The following CREB1 variants were observed in gnomAD, a reference collection of about 807,000 sequenced individuals.
The protein encoded by CREB1 is cyclic AMP-responsive element-binding protein 1.
In CREB1, 2 loss-of-function variants were observed where a neutral mutation model predicts 42.0. The observed-to-expected ratio is 0.05, with a 90% confidence interval of 0.02 to 0.15. CREB1 has a LOEUF of 0.15. CREB1 is among the 10% of genes least tolerant of loss of function. CREB1 has a pLI of 1.00. For missense variants in CREB1, 199 were observed against 388.9 expected (o/e 0.51, Z 4.11); for synonymous variants, 123 against 139.9 (o/e 0.88, Z 0.85).
chr2:207,590,242 C>A (rs982985350), intron 7 of CREB1, among the ~76,000 whole-genome samples: 3 of 151,680 alleles, frequency 2.0e-5, no homozygotes, highest in Admixed American at 1.3e-4. Context: ...GTTTATTATT[C>A]TTTTACTGTA....
intron 2 of CREB1, among the ~76,000 whole-genome samples, chr2:207,558,808 A>AT (rs1377575220): frequency 6.6e-6 from 1 of 151,780 alleles, no homozygotes; most frequent in Admixed American, 6.6e-5. Context: ...TACCTGGCTA[A>AT]TTTTTTGTAT....
rs1050201524 is a variant in CREB1, at chr2:207,599,771, A to G, written c.*2713A>G. 1 of 196,272 alleles carries G rather than the reference A, an allele frequency of 5.1e-6. No individual in the cohort carries two copies. The highest frequency in any genetic ancestry group is 2.3e-5 in the African/African-American group (1 of 43,250). 12.2% of individuals were successfully genotyped at this position (196,272 alleles called of 1,614,324 possible). A position where few individuals can be genotyped will look rare whatever the true frequency, so the allele number is the denominator to read the frequency against. ...TGAGAATCTTTATTAAGAAAATGAC[A>G]TAATTTTTAAAAACCTTGTAGCCAA... is the stretch of plus-strand genomic sequence containing the variant. On this transcript the variant is annotated 3_prime_UTR_variant, in exon 8 of 8. Transcript: ENST00000353267.
intron 5 of CREB1, among the ~76,000 whole-genome samples, chr2:207,573,191 C>T (rs965781534): frequency 2.0e-5 from 3 of 152,122 alleles, no homozygotes; most frequent in East Asian, 1.9e-4. Context: ...AGGATACATC[C>T]GTTACTTGAC....
At chr2:207,535,822 T>A (rs201059246) in intron 1 of CREB1, among the ~76,000 whole-genome samples, 11 of 51,922 alleles carry the variant, frequency 2.1e-4, no homozygotes, top group Admixed American at 1.6e-3. Flanking sequence ...TTATTTATTT[T>A]TATTTATTTA....
Position 207,567,041 on chromosome 2 carries a change from A to T in CREB1, c.262-422A>T, listed in dbSNP as rs369364567. On this transcript the variant is annotated intron_variant, in intron 3 of 7. Coordinates refer to ENST00000353267, the MANE Select transcript of CREB1 (RefSeq NM_004379.5). ...CGCCAGTCTTACTGTACAACTGTAA[A>T]TATATTCATAAGTGTTTATACAGTT... Among the ~76,000 whole-genome samples the T allele has an allele frequency of 9.8e-5, 15 of 152,298 alleles. No individual in the cohort carries two copies. The East Asian group carries it at 2.3e-3, about 23-fold the overall frequency.
In CREB1 at chr2:207,597,184, C is replaced by A; in HGVS notation, c.*126C>A. The A allele has an allele frequency of 1.0e-6, 1 of 997,266 alleles. No individual in the cohort carries two copies. Among genetic ancestry groups the A allele is most frequent in the Non-Finnish European group, 1.4e-6 (1 of 712,816 alleles). 61.8% of individuals were successfully genotyped at this position (997,266 alleles called of 1,614,324 possible). On this transcript the variant is annotated 3_prime_UTR_variant, in exon 8 of 8. Transcript: ENST00000353267. ...TTCTATGCGCAAAACTGCCTGAAAGCAACTACAGAATTTCATTCATTTGTG... is the reference window on the plus strand; with the variant it reads ...TTCTATGCGCAAAACTGCCTGAAAGAAACTACAGAATTTCATTCATTTGTG...
At chr2:207,540,261 A>T (rs2081040936) in intron 1 of CREB1, among the ~76,000 whole-genome samples, 1 of 152,188 alleles carries the variant, frequency 6.6e-6, no homozygotes, top group African/African-American at 2.4e-5. Flanking sequence ...CCAGTGGGAC[A>T]CGTTGTGGAG....
chr2:207,551,105 G>A (rs1391751275), intron 1 of CREB1, among the ~76,000 whole-genome samples: 1 of 152,068 alleles, frequency 6.6e-6, no homozygotes, highest in African/African-American at 2.4e-5. Context: ...TATAGAAAAA[G>A]TTCTTCCAAA....
Position 207,602,684 on chromosome 2 carries a change from G to T in CREB1, c.*5626G>T. On this transcript the variant is annotated 3_prime_UTR_variant, in exon 8 of 8. Transcript: ENST00000353267. The stretch of plus-strand genomic sequence containing the variant: ...TTTATTTTCTTATGTTTTTAAAATT[G>T]GTAAATGCTTTATAGATGTATTTTT... The T allele has an allele frequency of 4.8e-6, 1 of 209,668 alleles. No individual in the cohort carries two copies. The highest frequency in any genetic ancestry group is 9.7e-6 in the Non-Finnish European group (1 of 103,188). The allele number at this position is 209,668 out of a possible 1,614,324, so 13.0% of individuals were successfully genotyped here. A position where few individuals can be genotyped will look rare whatever the true frequency, so the allele number is the denominator to read the frequency against.
chr2:207,545,149 C>T (rs990878432), intron 1 of CREB1, among the ~76,000 whole-genome samples: 2 of 152,162 alleles, frequency 1.3e-5, no homozygotes, highest in Non-Finnish European at 2.9e-5. Context: ...CACTGTCTTC[C>T]ACAATGGTTG....
intron 7 of CREB1, among the ~76,000 whole-genome samples, chr2:207,578,509 G>GTA: frequency 6.6e-6 from 1 of 152,282 alleles, no homozygotes; most frequent in East Asian, 1.9e-4. Context: ...TTGGGAGAAG[G>GTA]TATTAACCTT....
chr2:207,595,583 GAC>G (rs1271102353), intron 7 of CREB1, among the ~76,000 whole-genome samples: 2 of 151,852 alleles, frequency 1.3e-5, no homozygotes, highest in African/African-American at 2.4e-5. Context: ...TTTTAATTGA[GAC>G]AGGTTCTTGG....
intron 5 of CREB1, among the ~76,000 whole-genome samples, chr2:207,572,225 CAAAAAAAA>C (rs35000643): frequency 1.0e-5 from 1 of 98,890 alleles, no homozygotes; most frequent in Non-Finnish European, 2.0e-5. Context: ...GATTCCGTCT[CAAAAAAAA>C]AAAAAAAAAA....
chr2:207,560,054 T>TA (rs1324052187), intron 2 of CREB1, among the ~76,000 whole-genome samples, 172 bp from the exon 3 acceptor site: 1 of 152,234 alleles, frequency 6.6e-6, no homozygotes, highest in Non-Finnish European at 1.5e-5. Flanking sequence ...TGGTGTTTTT[T>TA]ATAGTGTTTT....
chr2:207,566,307 C>A (rs1208684223), intron 3 of CREB1, among the ~76,000 whole-genome samples: 1 of 152,166 alleles, frequency 6.6e-6, no homozygotes, highest in Non-Finnish European at 1.5e-5. Context: ...TTTCTTACTG[C>A]CATTGCCATA....
intron 1 of CREB1, among the ~76,000 whole-genome samples, chr2:207,540,377 AC>A (rs2081046121): frequency 6.6e-6 from 1 of 151,948 alleles, no homozygotes; most frequent in South Asian, 2.1e-4. Context: ...ATGGTGGCTC[AC>A]GCCTGTAATC....
chr2:207,574,078 A>G (rs2082479271), intron 5 of CREB1, among the ~76,000 whole-genome samples: 1 of 152,204 alleles, frequency 6.6e-6, no homozygotes, highest in South Asian at 2.1e-4. Context: ...CACAAGTGTC[A>G]TTTTGCTAAA....
At chr2:207,572,670 G>A (rs1396499113) in intron 5 of CREB1, among the ~76,000 whole-genome samples, 3 of 152,002 alleles carry the variant, frequency 2.0e-5, no homozygotes, top group African/African-American at 7.3e-5. Context: ...CAAAAAATTA[G>A]CCGAGCGAGG....
intron 6 of CREB1, 100 bp from the exon 7 acceptor site, chr2:207,577,405 C>G: frequency 6.9e-7 from 1 of 1,440,296 alleles, no homozygotes; most frequent in Non-Finnish European, 9.4e-7. Flanking sequence ...TTTTTGTTTC[C>G]CTTTTAGTCC....
Sources: gnomAD v4.1 joint callset for allele counts (sites outside exome capture counted in the v4.1 genomes callset) on GRCh38, gnomAD v4.1.1 for gene constraint, MANE v1.5 for transcripts, NCBI Gene and HGNC (gene_info 2026-07-23, HGNC 2026-07-21) for gene names.